XKR7: variants seen among roughly 807,000 people sequenced by gnomAD.
The protein encoded by XKR7 is XK-related protein 7.
In XKR7, 11 loss-of-function variants were observed where a neutral mutation model predicts 42.2. The ratio of observed to expected loss-of-function variants is 0.26; its 90% CI spans 0.16 to 0.43. The LOEUF is 0.43. Ranked by LOEUF, XKR7 falls within the 20% of genes least tolerant of loss-of-function variation. The pLI is 1.00. For missense variants in XKR7, 710 were observed against 802.2 expected (o/e 0.89, Z 1.39); for synonymous variants, 346 against 366.4 (o/e 0.94, Z 0.64).
chr20:31,982,185 G>A (rs150192270), intron 1 of XKR7, among the ~76,000 whole-genome samples: 83 of 152,278 alleles, frequency 5.5e-4, no homozygotes, highest in Admixed American at 1.1e-3. Context: ...TTGTGTCCAC[G>A]AGCCATTTTA....
intron 1 of XKR7, among the ~76,000 whole-genome samples, chr20:31,973,788 A>T (rs2064474248): frequency 6.6e-6 from 1 of 152,214 alleles, no homozygotes; most frequent in Admixed American, 6.5e-5. Context: ...GGCCATGGCA[A>T]GGACTAGGGC....
In XKR7 at chr20:31,968,318, C is replaced by T. The variant is rs1300783280; in HGVS notation, c.143C>T (p.Pro48Leu). Residue 48 changes from proline to leucine, a missense_variant, in exon 1 of 3, where the codon CCG (proline) becomes CTG (leucine). Pro to Leu is a moderately conservative substitution (Grantham distance 98, BLOSUM62 -3). This residue lies in a region of XKR7 where 708 missense variants were observed against 786.2 expected (regional missense o/e 0.90). Coordinates refer to ENST00000562532, the MANE Select transcript of XKR7 (RefSeq NM_001011718.2). The surrounding 1 kb of genome is among the most constrained non-coding windows in gnomAD (Gnocchi z 4.5). ...CCGGGGGTCGTCGGGGCGGGCGGCC[C>T]GGGGCCGCGCTACGAGCTGCGGGAC... Reference protein sequence around the residue: ...GPPGVVGAGGPGPRYELRDCC... With the variant: ...GPPGVVGAGGLGPRYELRDCC... 1.4e-6 allele frequency: 2 copies of T among 1,449,040 alleles called. No individual in the cohort carries two copies. Among genetic ancestry groups the T allele is most frequent in the South Asian group, 3.0e-5 (2 of 66,224 alleles). The allele number at this position is 1,449,040 out of a possible 1,614,324, so 89.8% of individuals were successfully genotyped here.
At position 31,976,849 on chromosome 20, in the gene XKR7, G is replaced by A. The variant is rs545874125; in HGVS notation, c.584+8090G>A. On this transcript the variant is annotated intron_variant, in intron 1 of 2. Transcript: ENST00000562532. ...ATCTACCCACCTGGCTGGCTTTCCC[G>A]CTGGATCACAAACCCCTGGGGAGTT... Among the ~76,000 whole-genome samples the A allele has an allele frequency of 2.6e-5, 4 of 152,204 alleles. No homozygotes were observed. In the East Asian group the frequency reaches 5.8e-4, roughly 22 times the overall value.
rs191000496 is a variant in XKR7, at chr20:31,978,789, C to T, written c.584+10030C>T. On this transcript the variant is annotated intron_variant, in intron 1 of 2. Coordinates refer to ENST00000562532, the MANE Select transcript of XKR7 (RefSeq NM_001011718.2). ...GGCCCCACCCCATTTCCTTCCCTTC[C>T]GTGTTATTTTCAAGCAAATTTCAAA... 1.8e-3 allele frequency among the ~76,000 whole-genome samples: 275 copies of T among 152,270 alleles called. 1 individual carries two copies. The highest frequency in any genetic ancestry group is 6.4e-3 in the African/African-American group (266 of 41,552).
In XKR7 at chr20:32,001,658, G is replaced by A. The variant is rs544161507; in HGVS notation, c.*4201G>A. 2 of 152,368 alleles carry A rather than the reference G, an allele frequency of 1.3e-5. No homozygotes were observed. The highest frequency in any genetic ancestry group is 2.1e-4 in the South Asian group (1 of 4,828). The allele number at this position is 152,368 out of a possible 1,614,324, so 9.4% of individuals were successfully genotyped here. A position where few individuals can be genotyped will look rare whatever the true frequency, so the allele number is the denominator to read the frequency against. On this transcript the variant is annotated 3_prime_UTR_variant, in exon 3 of 3. Coordinates refer to ENST00000562532, the MANE Select transcript of XKR7 (RefSeq NM_001011718.2). ...TACAGGCCCCTCCAGTGCCTCATGG[G>A]GTTAGAGGCTGCTGGAGTCTTCTCC...
intron 1 of XKR7, among the ~76,000 whole-genome samples, chr20:31,985,353 C>T (rs534810144): frequency 1.3e-5 from 2 of 152,228 alleles, no homozygotes; most frequent in South Asian, 2.1e-4. Flanking sequence ...GGCGAGAACA[C>T]ACACTCGGAA....
chr20:31,989,283 C>CCG (rs2064558136), intron 1 of XKR7, among the ~76,000 whole-genome samples: 1 of 120,618 alleles, frequency 8.3e-6, no homozygotes, highest in African/African-American at 3.3e-5. Context: ...ACACCCCCCC[C>CCG]CCAGCGCATC....
intron 1 of XKR7, among the ~76,000 whole-genome samples, chr20:31,975,229 C>T (rs1158291906): frequency 6.6e-6 from 1 of 152,124 alleles, no homozygotes; most frequent in Non-Finnish European, 1.5e-5. Context: ...GTTATCACCC[C>T]CAACCCCCAA....
chr20:31,975,347 C>T (rs1327443861), intron 1 of XKR7, among the ~76,000 whole-genome samples: 1 of 152,010 alleles, frequency 6.6e-6, no homozygotes, highest in Non-Finnish European at 1.5e-5. Flanking sequence ...TTTTGTCTTT[C>T]CTCCCTGCTC....
intron 1 of XKR7, among the ~76,000 whole-genome samples, chr20:31,976,138 G>T (rs988384834): frequency 2.0e-5 from 3 of 152,326 alleles, no homozygotes; most frequent in South Asian, 2.1e-4. Flanking sequence ...ACATAGTGGT[G>T]CTCAGTTAGT....
rs1470306743 is a variant in XKR7 at position 31,997,190 on chromosome 20, G to A, written c.1473G>A (p.Glu491=). ...GAERDGASAG[E]RAGTPTPPVF... is the part of the protein sequence containing the mutation. ...AGCGGGATGGGGCCTCGGCGGGAGA[G>A]CGTGCAGGGACCCCCACCCCACCTG... Residue 491 remains glutamate, a synonymous_variant, in exon 3 of 3, where the codon GAG becomes GAA. Coordinates refer to ENST00000562532, the MANE Select transcript of XKR7 (RefSeq NM_001011718.2). 5 of 1,609,892 alleles carry A rather than the reference G, an allele frequency of 3.1e-6. No individual in the cohort carries two copies. The African/African-American group carries it at 4.0e-5, about 13-fold the overall frequency.
intron 1 of XKR7, among the ~76,000 whole-genome samples, chr20:31,975,822 A>G (rs1309236288): frequency 1.3e-5 from 2 of 152,136 alleles, no homozygotes; most frequent in Non-Finnish European, 2.9e-5. Context: ...GCATGTATAG[A>G]TTTGTCTATT....
chr20:31,993,233 C>T (rs1263296924), intron 1 of XKR7, among the ~76,000 whole-genome samples: 2 of 151,978 alleles, frequency 1.3e-5, no homozygotes, highest in East Asian at 1.9e-4. Flanking sequence ...GGGGAGCCGG[C>T]GGGAGTAGGG....
intron 1 of XKR7, among the ~76,000 whole-genome samples, chr20:31,992,552 A>C (rs1029797506): frequency 3.3e-5 from 5 of 152,166 alleles, no homozygotes; most frequent in African/African-American, 1.2e-4. Context: ...TGACTGAAGG[A>C]ATTCCAGCAT....
At chr20:31,991,319 T>C (rs562278416) in intron 1 of XKR7, among the ~76,000 whole-genome samples, 1 of 152,212 alleles carries the variant, frequency 6.6e-6, no homozygotes, top group African/African-American at 2.4e-5. Flanking sequence ...GGGAAGGGAA[T>C]GTGGCGGCAG....
chr20:31,974,145 AG>A (rs2064475951), intron 1 of XKR7, among the ~76,000 whole-genome samples: 1 of 152,092 alleles, frequency 6.6e-6, no homozygotes, highest in Non-Finnish European at 1.5e-5. Context: ...GTGAGCCGAG[AG>A]TGAGCCACTG....
chr20:31,981,762 C>T (rs1372359160), intron 1 of XKR7, among the ~76,000 whole-genome samples: 1 of 152,214 alleles, frequency 6.6e-6, no homozygotes, highest in African/African-American at 2.4e-5. Flanking sequence ...GTTCACGTCT[C>T]CACTTCGTGT....
chr20:31,978,067 G>A (rs2064493626), intron 1 of XKR7, among the ~76,000 whole-genome samples: 1 of 151,940 alleles, frequency 6.6e-6, no homozygotes, highest in South Asian at 2.1e-4. Flanking sequence ...CAAGAGTGTT[G>A]GTTTGGTCCG....
rs368168464 is a variant in XKR7 at position 31,997,507 on chromosome 20, G to A, written c.*50G>A. 45 of 1,509,654 alleles carry A rather than the reference G, an allele frequency of 3.0e-5. No homozygotes were observed. The East Asian group carries it at 3.2e-4, about 11-fold the overall frequency. The allele number at this position is 1,509,654 out of a possible 1,614,324, so 93.5% of individuals were successfully genotyped here. On this transcript the variant is annotated 3_prime_UTR_variant, in exon 3 of 3. Coordinates refer to ENST00000562532, the MANE Select transcript of XKR7 (RefSeq NM_001011718.2). The stretch of plus-strand genomic sequence containing the variant: ...GACAGGCTTGGCTGATCCCACATCC[G>A]CCGCAGTGTTGTGCCCCGAATTTCA...
Sources: allele counts gnomAD v4.1 joint callset (sites outside exome capture counted in the v4.1 genomes callset), GRCh38; gene constraint gnomAD v4.1.1; regional missense constraint gnomAD v4.1.1; non-coding constraint Gnocchi (gnomAD v3.1); transcripts MANE v1.5; gene names NCBI Gene and HGNC (gene_info 2026-07-23, HGNC 2026-07-21).